The following MGST1 variants were observed in gnomAD, a reference collection of about 807,000 sequenced individuals.
MGST1 encodes the protein microsomal glutathione S-transferase 1.
MGST1 carries 5 observed loss-of-function variants against 8.9 expected under a neutral mutation model. The ratio of observed to expected loss-of-function variants is 0.56; its 90% CI spans 0.29 to 1.19. The LOEUF (loss-of-function observed/expected upper bound fraction) is 1.19. Ranked by LOEUF, MGST1 falls within the 50% of genes most tolerant of loss-of-function variation. The pLI, the probability that MGST1 is intolerant of heterozygous loss-of-function variation, is 0.08. For missense variants in MGST1, 182 were observed against 187.4 expected (o/e 0.97, Z 0.17); for synonymous variants, 54 against 67.8 (o/e 0.80, Z 1.00).
chr12:16,357,813 T>C, intron 3 of MGST1, 114 bp downstream of exon 3: 1 of 710,774 alleles, frequency 1.4e-6, no homozygotes, highest in Non-Finnish European at 2.4e-6. Flanking sequence ...ACCTCTTACC[T>C]ACTCCACATG....
Position 16,498,479 on chromosome 12 carries a change from A to G in MGST1, n.483-91049A>G, listed in dbSNP as rs377172200. ...ACTCCTCCAAAACTCAGTCCAGGCC[A>G]TGTTCCTACGTGGATTTATCCAGCT... On this transcript the variant is annotated intron_variant and non_coding_transcript_variant, in intron 4 of 4. Transcript: ENST00000538857. Among the ~76,000 whole-genome samples, 3 of 152,188 alleles carry G rather than the reference A, an allele frequency of 2.0e-5. 1 individual carries two copies. The highest frequency in any genetic ancestry group is 3.8e-4 in the East Asian group (2 of 5,198).
chr12:16,368,510 G>A (rs7978836), downstream of MGST1, among the ~76,000 whole-genome samples: 72,516 of 151,506 alleles, frequency 0.48, 17,557 homozygotes, highest in East Asian at 0.67. Context: ...AGGTGTTCCT[G>A]CCATCAGCCA....
Position 16,401,513 on chromosome 12 carries a change from A to G in MGST1, n.778+17909A>G. On this transcript the variant is annotated intron_variant and non_coding_transcript_variant, in intron 1 of 1. Coordinates refer to the MGST1 transcript ENST00000359720. This position sits in a 1 kb window ranked among gnomAD's most constrained non-coding sequence, Gnocchi z 4.3. Reference sequence around the variant, plus strand: ...AGCTCTTCTTGAAGCTGGAGTAAAAAGTTGTAATTTTCTTGAACTTCCTGA... The same window carrying G: ...AGCTCTTCTTGAAGCTGGAGTAAAAGGTTGTAATTTTCTTGAACTTCCTGA... 1 of 902,080 alleles carries G rather than the reference A, an allele frequency of 1.1e-6. No homozygotes were observed. The highest frequency in any genetic ancestry group is 1.8e-6 in the Non-Finnish European group (1 of 544,174). 55.9% of individuals were successfully genotyped at this position (902,080 alleles called of 1,614,324 possible).
At chr12:16,429,145 C>A (rs926067564) in intron 1 of MGST1, among the ~76,000 whole-genome samples, 8 of 151,878 alleles carry the variant, frequency 5.3e-5, no homozygotes, top group African/African-American at 1.2e-4. Flanking sequence ...TTATGTTTTT[C>A]TTCAAGGATA....
At chr12:16,469,401 C>T (rs140380731) in intron 4 of MGST1, among the ~76,000 whole-genome samples, 3 of 152,216 alleles carry the variant, frequency 2.0e-5, no homozygotes, top group African/African-American at 4.8e-5. Context: ...GTTGACTAGA[C>T]TGGTCTCAAA....
At chr12:16,492,405 C>A (rs1187464068) in intron 4 of MGST1, among the ~76,000 whole-genome samples, 1 of 152,202 alleles carries the variant, frequency 6.6e-6, no homozygotes, top group Non-Finnish European at 1.5e-5. Flanking sequence ...TATACATTAG[C>A]GCGGTTTGTG....
intron 4 of MGST1, among the ~76,000 whole-genome samples, chr12:16,491,098 A>G (rs1941435108): frequency 1.3e-5 from 2 of 152,242 alleles, no homozygotes; most frequent in African/African-American, 2.4e-5. Flanking sequence ...TTTAGCTTCT[A>G]TGTTTATGGT....
intron 1 of MGST1, chr12:16,348,011 G>C (rs983215392): frequency 1.3e-5 from 2 of 152,146 alleles, no homozygotes; most frequent in Non-Finnish European, 2.9e-5. Flanking sequence ...CTGTTTGAAA[G>C]GGTCCCTTGA....
At chr12:16,520,573 T>C (rs956442899) in intron 4 of MGST1, among the ~76,000 whole-genome samples, 1 of 152,040 alleles carries the variant, frequency 6.6e-6, no homozygotes, top group Non-Finnish European at 1.5e-5. Flanking sequence ...TGTGAGCGTG[T>C]GGTACGTGGT....
At position 16,376,106 on chromosome 12, in the gene MGST1, T is replaced by C. The variant is rs1194850305; in HGVS notation, c.222-16T>C. 2.3e-6 allele frequency: 3 copies of C among 1,315,238 alleles called. No individual in the cohort carries two copies. The African/African-American group carries it at 4.5e-5, about 20-fold the overall frequency. The allele number at this position is 1,315,238 out of a possible 1,614,324, so 81.5% of individuals were successfully genotyped here. On this transcript the variant is annotated splice_polypyrimidine_tract_variant and intron_variant, in intron 3 of 3. Transcript: ENST00000535309. Reference sequence around the variant, plus strand: ...TTGAAGGATATTAAAAATCTTATTTTTTTTTAATTGTTTAGAATCAAACAA... The same window carrying C: ...TTGAAGGATATTAAAAATCTTATTTCTTTTTAATTGTTTAGAATCAAACAA...
intron 4 of MGST1, among the ~76,000 whole-genome samples, chr12:16,526,602 A>G (rs543026593): frequency 2.6e-5 from 4 of 152,168 alleles, no homozygotes; most frequent in African/African-American, 9.6e-5. Context: ...AGGTACAAAC[A>G]TGATTTTATT....
intron 4 of MGST1, among the ~76,000 whole-genome samples, chr12:16,563,240 T>C (rs1942466403): frequency 6.6e-6 from 1 of 152,136 alleles, no homozygotes; most frequent in Admixed American, 6.6e-5. Flanking sequence ...AAGCGATGCA[T>C]TTGTTAGACT....
intron 1 of MGST1, among the ~76,000 whole-genome samples, chr12:16,409,529 G>A (rs562948684): frequency 3.3e-5 from 5 of 152,216 alleles, no homozygotes; most frequent in Admixed American, 3.3e-4. Flanking sequence ...GGGTGAGAGA[G>A]AGAAAACTTT....
At chr12:16,551,893 C>A (rs561892977) in intron 4 of MGST1, among the ~76,000 whole-genome samples, 1 of 152,010 alleles carries the variant, frequency 6.6e-6, no homozygotes, top group South Asian at 2.1e-4. Flanking sequence ...GTTGCTCTAG[C>A]ATCAGATTCT....
chr12:16,539,636 G>A (rs75262641), intron 4 of MGST1, among the ~76,000 whole-genome samples: 2,878 of 152,088 alleles, frequency 0.019, 102 homozygotes, highest in African/African-American at 0.066. Context: ...AATGTCTGCC[G>A]ACTCTACCCC....
Position 16,508,689 on chromosome 12 carries a change from C to A in MGST1, n.483-80839C>A, listed in dbSNP as rs190468633. The stretch of plus-strand genomic sequence containing the variant: ...TGACAACAGTTTAATTGCTGGACTG[C>A]GCAAAGATGGACACAGTCTCACTCT... On this transcript the variant is annotated intron_variant and non_coding_transcript_variant, in intron 4 of 4. Transcript: ENST00000538857. Among the ~76,000 whole-genome samples the A allele has an allele frequency of 1.9e-4, 29 of 152,208 alleles. No homozygotes were observed. The South Asian group carries it at 5.8e-3, about 30-fold the overall frequency.
intron 1 of MGST1, chr12:16,400,849 C>T: frequency 8.4e-7 from 1 of 1,197,600 alleles, no homozygotes; most frequent in Non-Finnish European, 1.2e-6. Context: ...TCTTCATTTC[C>T]CCAATATGTG....
intron 3 of MGST1, 137 bp downstream of exon 3, chr12:16,357,836 A>G: frequency 1.6e-6 from 1 of 635,972 alleles, no homozygotes; most frequent in South Asian, 2.1e-5. Flanking sequence ...AATTACAGAA[A>G]ACTGGATGTC....
chr12:16,551,579 C>G (rs534720096), intron 4 of MGST1, among the ~76,000 whole-genome samples: 13 of 148,324 alleles, frequency 8.8e-5, no homozygotes, highest in Non-Finnish European at 1.8e-4. Flanking sequence ...ACTTTGGGCA[C>G]CAAAGATGAC....
Sources: allele counts gnomAD v4.1 joint callset (sites outside exome capture counted in the v4.1 genomes callset), GRCh38; gene constraint gnomAD v4.1.1; non-coding constraint Gnocchi (gnomAD v3.1); transcripts MANE v1.5; gene names NCBI Gene and HGNC (gene_info 2026-07-23, HGNC 2026-07-21).